Variants in VCF1 observed in about 807,000 individuals in gnomAD.
The protein encoded by VCF1 is VCP nuclear cofactor family member 1.
the VCF1 span, chr17:73,212,620 C>A: frequency 7.0e-7 from 1 of 1,422,082 alleles, no homozygotes; most frequent in Non-Finnish European, 9.7e-7. Flanking sequence ...TGGCCACTTG[C>A]ACCTTGCGAA....
At chr17:73,219,948 C>A in the VCF1 span, among the ~76,000 whole-genome samples, 13 of 151,426 alleles carry the variant, frequency 8.6e-5, no homozygotes, top group Non-Finnish European at 1.6e-4. Context: ...CACACTCTAG[C>A]CTGGGAGACA....
At chr17:73,227,268 A>C in the VCF1 span, 1 of 1,548,578 alleles carries the variant, frequency 6.5e-7, no homozygotes, top group African/African-American at 1.4e-5. Context: ...CCTTTTCCTG[A>C]AATTAAATCA....
At chr17:73,227,523 G>A in the VCF1 span, 2,305 of 706,032 alleles carry the variant, frequency 3.3e-3, 44 homozygotes, top group African/African-American at 0.04. Context: ...AATTTTAAAT[G>A]TCTGTTGGGA....
chr17:73,222,120 C>T, the VCF1 span, among the ~76,000 whole-genome samples: 1 of 149,752 alleles, frequency 6.7e-6, no homozygotes, highest in East Asian at 2.0e-4. Flanking sequence ...AGTGCTTAAG[C>T]CCATGAGTTC....
At chr17:73,210,284 A>C in the VCF1 span, among the ~76,000 whole-genome samples, 1 of 152,182 alleles carries the variant, frequency 6.6e-6, no homozygotes, top group African/African-American at 2.4e-5. Context: ...GTATTCTGTA[A>C]CTGCAGGACA....
the VCF1 span, among the ~76,000 whole-genome samples, chr17:73,225,229 T>C: frequency 5.3e-5 from 8 of 152,168 alleles, no homozygotes; most frequent in Non-Finnish European, 8.8e-5. Context: ...CTGAATTTCT[T>C]TGGACAAGTA....
At chr17:73,232,164 G>T in the VCF1 span, 9 of 1,610,226 alleles carry the variant, frequency 5.6e-6, no homozygotes, top group East Asian at 6.7e-5. Flanking sequence ...GGGAACAGAG[G>T]GGGTTGTGTT....
the VCF1 span, among the ~76,000 whole-genome samples, chr17:73,214,328 AAAAG>A: frequency 8.5e-5 from 13 of 152,194 alleles, no homozygotes; most frequent in East Asian, 1.4e-3. Context: ...AAAAAAAAAA[AAAAG>A]GACAACAGAG....
chr17:73,218,053 T>C, the VCF1 span, among the ~76,000 whole-genome samples: 74,216 of 152,106 alleles, frequency 0.49, 18,401 homozygotes, highest in East Asian at 0.6. Context: ...CCTCTTTCAA[T>C]GGTGCTTTCA....
the VCF1 span, chr17:73,207,396 T>C: frequency 7.1e-6 from 6 of 840,692 alleles, no homozygotes; most frequent in Middle Eastern, 2.2e-4. Context: ...GGCGGCGCAA[T>C]AGAGAAGTAC....
chr17:73,207,934 TAAA>T, the VCF1 span: 14 of 1,071,746 alleles, frequency 1.3e-5, no homozygotes, highest in East Asian at 6.2e-5. Context: ...GATGGTAGTT[TAAA>T]AAAAAAAAAA....
chr17:73,208,164 A>T, the VCF1 span: 1 of 1,531,554 alleles, frequency 6.5e-7, no homozygotes, highest in African/African-American at 1.4e-5. Flanking sequence ...TCAAATCTGG[A>T]CCGACAGCAA....
the VCF1 span, among the ~76,000 whole-genome samples, chr17:73,223,405 A>T: frequency 6.6e-6 from 1 of 152,232 alleles, no homozygotes; most frequent in African/African-American, 2.4e-5. Context: ...GTTTCTCTCT[A>T]TATAACTAAT....
At chr17:73,224,930 G>GACAGCACAGC in the VCF1 span, among the ~76,000 whole-genome samples, 16 of 85,858 alleles carry the variant, frequency 1.9e-4, no homozygotes, top group African/African-American at 2.1e-4. Flanking sequence ...GACAGGACAG[G>GACAGCACAGC]ACAGCACAGC....
the VCF1 span, among the ~76,000 whole-genome samples, chr17:73,223,489 T>C: frequency 6.6e-6 from 1 of 152,218 alleles, no homozygotes; most frequent in East Asian, 1.9e-4. Flanking sequence ...ATCTCCACTG[T>C]ACAGATAGTT....
the VCF1 span, chr17:73,209,306 C>T: frequency 1.6e-6 from 1 of 611,092 alleles, no homozygotes; most frequent in Admixed American, 3.0e-5. Context: ...TACCCTCCCT[C>T]AAAAGAATCC....
the VCF1 span, among the ~76,000 whole-genome samples, chr17:73,212,391 A>G: frequency 1.3e-5 from 2 of 152,214 alleles, no homozygotes; most frequent in African/African-American, 2.4e-5. Flanking sequence ...ACATACCCCA[A>G]TACCTACAGG....
the VCF1 span, among the ~76,000 whole-genome samples, chr17:73,230,420 A>G: frequency 3.4e-5 from 5 of 149,050 alleles, no homozygotes; most frequent in Non-Finnish European, 7.4e-5. Flanking sequence ...TTTTTTTTAG[A>G]TGGAAGTTTC....
At chr17:73,216,334 G>C in the VCF1 span, among the ~76,000 whole-genome samples, 10 of 152,218 alleles carry the variant, frequency 6.6e-5, no homozygotes, top group Admixed American at 3.3e-4. Context: ...AGGTGTTTGG[G>C]AACTGTTTGC....
Sources: gnomAD v4.1 joint callset for allele counts (sites outside exome capture counted in the v4.1 genomes callset) on GRCh38, gnomAD v4.1.1 for gene constraint, MANE v1.5 for transcripts, NCBI Gene and HGNC (gene_info 2026-07-23, HGNC 2026-07-21) for gene names.